Variants in ACO1 observed in about 807,000 individuals in gnomAD.
The protein encoded by ACO1 is cytoplasmic aconitate hydratase.
ACO1 carries 78 observed loss-of-function variants against 105.1 expected under a neutral mutation model. The observed-to-expected ratio is 0.74, with a 90% confidence interval of 0.62 to 0.90. ACO1 has a LOEUF of 0.90. Among genes scored for constraint, ACO1 ranks in the 40% least tolerant of loss-of-function variants. The pLI is 0.00. For synonymous variants in ACO1, 364 were observed against 397.4 expected, an observed-to-expected ratio of 0.92 and a Z score of 1.00; for missense variants, 965 against 1,111.1, an observed-to-expected ratio of 0.87 and a Z score of 1.87.
At chr9:32,395,350 C>T (rs934605851) in intron 1 of ACO1, among the ~76,000 whole-genome samples, 1 of 152,126 alleles carries the variant, frequency 6.6e-6, no homozygotes, top group Non-Finnish European at 1.5e-5. Context: ...GTGGTGGGCA[C>T]CTGTAATCCC....
intron 7 of ACO1, 49 bp downstream of exon 7, chr9:32,419,226 C>T: frequency 6.7e-7 from 1 of 1,492,302 alleles, no homozygotes; most frequent in Non-Finnish European, 9.0e-7. Flanking sequence ...ACAATGATAG[C>T]TTTCCAATGG....
intron 19 of ACO1, 33 bp downstream of exon 19, chr9:32,440,620 T>C: frequency 1.2e-6 from 2 of 1,609,092 alleles, no homozygotes; most frequent in Non-Finnish European, 1.7e-6. Context: ...AGGAGGCAGC[T>C]CCCCTCTGAA....
At chr9:32,433,320 A>G (rs1345570612) in intron 15 of ACO1, among the ~76,000 whole-genome samples, 1 of 152,302 alleles carries the variant, frequency 6.6e-6, no homozygotes. Flanking sequence ...TGCCACCTCA[A>G]ATTCCTGAGC....
At position 32,395,101 on chromosome 9, in the gene ACO1, T is replaced by C. The variant is rs143098968; in HGVS notation, c.-23+10366T>C. 3.3e-5 allele frequency among the ~76,000 whole-genome samples: 5 copies of C among 152,360 alleles called. 1 individual carries two copies. Among genetic ancestry groups the C allele is most frequent in the East Asian group, 1.9e-4 (1 of 5,184 alleles). ...GGAAATCATGCTGCTTTCTTAAAGA[T>C]TGGATCTCAACTGGACCTGCTTTGT... is the stretch of plus-strand genomic sequence containing the variant. On this transcript the variant is annotated intron_variant, in intron 1 of 20. Transcript: ENST00000309951.
chr9:32,416,599 A>G (rs1821855668), intron 4 of ACO1, among the ~76,000 whole-genome samples: 1 of 152,120 alleles, frequency 6.6e-6, no homozygotes, highest in African/African-American at 2.4e-5. Context: ...CCAGGCAGTG[A>G]TGATTGCATT....
rs754994797 is a variant in ACO1 at position 32,448,939 on chromosome 9, G to A, written c.2414G>A (p.Arg805His). 49 of 1,614,120 alleles carry A rather than the reference G, an allele frequency of 3.0e-5. No homozygotes were observed. The highest frequency in any genetic ancestry group is 1.6e-4 in the Middle Eastern group (1 of 6,084). Residue 805 changes from arginine to histidine, a missense_variant, in exon 20 of 21, where the codon CGC becomes CAC. Coordinates refer to ENST00000309951, the MANE Select transcript of ACO1 (RefSeq NM_002197.3). ...VLAESYERIH[R>H]SNLVGMGVIP... Reference sequence around the variant, plus strand: ...GCCGAGAGCTACGAGCGCATTCACCGCAGTAACCTGGTTGGGATGGGTGTG... The same window carrying A: ...GCCGAGAGCTACGAGCGCATTCACCACAGTAACCTGGTTGGGATGGGTGTG...
rs61629844 is a variant in ACO1 at position 32,448,907 on chromosome 9, C to T, written c.2382C>T (p.Ala794=). ...AKGPFLLGIK[A]VLAESYERIH... is the part of the protein sequence containing the mutation. ...TCTTTATTCATCAGGGAATCAAAGC[C>T]GTCCTGGCCGAGAGCTACGAGCGCA... Residue 794 remains alanine, a synonymous_variant, in exon 20 of 21, where the codon GCC becomes GCT. Coordinates refer to ENST00000309951, the MANE Select transcript of ACO1 (RefSeq NM_002197.3). 5.4e-3 allele frequency: 8,719 copies of T among 1,614,150 alleles called. 208 individuals carry two copies. In the African/African-American group the frequency reaches 0.069, roughly 13 times the overall value.
chr9:32,420,567 A>G (rs1821950469), intron 7 of ACO1, among the ~76,000 whole-genome samples: 1 of 152,214 alleles, frequency 6.6e-6, no homozygotes, highest in African/African-American at 2.4e-5. Context: ...TAACCATGGC[A>G]CATTTATCGA....
chr9:32,399,614 CATTGTT>C (rs1473799552), intron 1 of ACO1, among the ~76,000 whole-genome samples: 2 of 152,112 alleles, frequency 1.3e-5, no homozygotes, highest in Admixed American at 1.3e-4. Context: ...TACAAGGCAT[CATTGTT>C]TGAATGCTAG....
intron 1 of ACO1, among the ~76,000 whole-genome samples, chr9:32,385,420 T>C (rs1821138267): frequency 6.6e-6 from 1 of 152,240 alleles, no homozygotes; most frequent in Non-Finnish European, 1.5e-5. Flanking sequence ...CTTTACACTC[T>C]TAAAAATTAG....
At position 32,429,622 on chromosome 9, in the gene ACO1, T is replaced by C. The variant is rs75809627; in HGVS notation, c.1569+119T>C. 0.014 allele frequency: 12,498 copies of C among 866,738 alleles called. 1,124 individuals are homozygous for C. In the African/African-American group the frequency reaches 0.19, roughly 13 times the overall value. The allele number at this position is 866,738 out of a possible 1,614,324, so 53.7% of individuals were successfully genotyped here. ...GCAGGGGATGTGGTTTAGAGTATGATCTTTTGAGTTTAGTTAAAATTACTA... is the reference window on the plus strand; with the variant it reads ...GCAGGGGATGTGGTTTAGAGTATGACCTTTTGAGTTTAGTTAAAATTACTA... On this transcript the variant is annotated intron_variant, in intron 13 of 20. Coordinates refer to ENST00000309951, the MANE Select transcript of ACO1 (RefSeq NM_002197.3).
chr9:32,384,955 A>G (rs946740324), intron 1 of ACO1, among the ~76,000 whole-genome samples: 2 of 152,208 alleles, frequency 1.3e-5, no homozygotes, highest in African/African-American at 4.8e-5. Flanking sequence ...GGGGAGAGAA[A>G]CCAGGGATTG....
At chr9:32,406,297 A>G (rs1040695328) in intron 2 of ACO1, among the ~76,000 whole-genome samples, 3 of 28,726 alleles carry the variant, frequency 1.0e-4, no homozygotes, top group Non-Finnish European at 1.9e-4. Context: ...CTCTGTGTGT[A>G]TATATACATG....
In ACO1 at chr9:32,420,709, G is replaced by C. The variant is rs997603052; in HGVS notation, c.799-147G>C. 11 of 803,184 alleles carry C rather than the reference G, an allele frequency of 1.4e-5. No homozygotes were observed. The East Asian group carries it at 2.6e-4, about 19-fold the overall frequency. 49.8% of individuals were successfully genotyped at this position (803,184 alleles called of 1,614,324 possible). A position where few individuals can be genotyped will look rare whatever the true frequency, so the allele number is the denominator to read the frequency against. On this transcript the variant is annotated intron_variant, in intron 7 of 20. Transcript: ENST00000309951. Reference sequence around the variant, plus strand: ...GCATTTAGTTGGCATTGTTTTTTAAGTTTTGAAAGTGATCACAAATGTGTT... The same window carrying C: ...GCATTTAGTTGGCATTGTTTTTTAACTTTTGAAAGTGATCACAAATGTGTT...
intron 11 of ACO1, 63 bp downstream of exon 11, chr9:32,426,060 A>G: frequency 6.5e-7 from 1 of 1,540,066 alleles, no homozygotes; most frequent in Non-Finnish European, 8.8e-7. Context: ...AGCCCGAGAC[A>G]GGGCCCAGGG....
At chr9:32,421,118 A>G in intron 8 of ACO1, 91 bp downstream of exon 8, 7 of 1,374,016 alleles carry the variant, frequency 5.1e-6, no homozygotes, top group Non-Finnish European at 7.1e-6. Context: ...TCTACCCAAC[A>G]GAAGGCACTG....
intron 1 of ACO1, among the ~76,000 whole-genome samples, chr9:32,398,408 C>T (rs1174219852): frequency 1.3e-5 from 2 of 152,214 alleles, no homozygotes; most frequent in East Asian, 3.8e-4. Context: ...GAATCACTCC[C>T]TGTCAGCTGG....
intron 1 of ACO1, chr9:32,386,518 A>G (rs1821159540): frequency 6.6e-6 from 1 of 152,178 alleles, no homozygotes; most frequent in Admixed American, 6.5e-5. Context: ...TTATGTGTAT[A>G]TATTTGGGAG....
At chr9:32,409,042 T>C (rs16918256) in intron 4 of ACO1, among the ~76,000 whole-genome samples, 1 of 152,326 alleles carries the variant, frequency 6.6e-6, no homozygotes, top group Non-Finnish European at 1.5e-5. Flanking sequence ...CTGTTGCATA[T>C]CTAGCGATCT....
Sources: allele counts gnomAD v4.1 joint callset (sites outside exome capture counted in the v4.1 genomes callset), GRCh38; gene constraint gnomAD v4.1.1; transcripts MANE v1.5; gene names NCBI Gene and HGNC (gene_info 2026-07-23, HGNC 2026-07-21).